ANTXR1: variants seen among roughly 807,000 people sequenced by gnomAD.
The protein encoded by ANTXR1 is anthrax toxin receptor 1.
ANTXR1 carries 19 observed loss-of-function variants against 78.1 expected under a neutral mutation model. The observed-to-expected ratio is 0.24, with a 90% CI of 0.17 to 0.36. The LOEUF (loss-of-function observed/expected upper bound fraction) is 0.36. Among genes scored for constraint, ANTXR1 ranks in the 10% least tolerant of loss-of-function variants. The pLI is 1.00. For synonymous variants in ANTXR1, 273 were observed against 260.5 expected (o/e 1.05, Z -0.46); for missense variants, 518 against 718.6 (o/e 0.72, Z 3.19).
chr2:69,056,942 G>A (rs988064271), intron 3 of ANTXR1, among the ~76,000 whole-genome samples: 1 of 152,128 alleles, frequency 6.6e-6, no homozygotes, highest in Non-Finnish European at 1.5e-5. Context: ...GCCTCCCAAA[G>A]TGCTGGGATT....
chr2:69,245,267 G>A lies in ANTXR1; in HGVS notation c.1477G>A (p.Ala493Thr), dbSNP rs772452249. Residue 493 changes from alanine (A) to threonine (T), a missense_variant, in exon 18 of 18, where the codon GCC becomes ACC. Ala to Thr is a moderately conservative substitution (Grantham distance 58). This residue lies in a region of ANTXR1 where 192 missense variants were observed against 230.2 expected (regional missense o/e 0.83). Coordinates refer to ENST00000303714, the MANE Select transcript of ANTXR1 (RefSeq NM_032208.3). ...CACCAGGGTCAAGAACAACCAGCCA[G>A]CCAAGTACCCACTCAACAACGCCTA... ...NFTRVKNNQP[A>T]KYPLNNAYHT... The A allele has an allele frequency of 6.2e-7, 1 of 1,613,816 alleles. No homozygotes were observed. The highest frequency in any genetic ancestry group is 8.5e-7 in the Non-Finnish European group (1 of 1,179,968).
chr2:69,187,585 C>CTTTTTTTTTTTTTTTTTTTTTTTTTT (rs58660678), intron 16 of ANTXR1, among the ~76,000 whole-genome samples: 1 of 94,898 alleles, frequency 1.1e-5, no homozygotes, highest in Admixed American at 1.3e-4. Flanking sequence ...TCATGTATTT[C>CTTTTTTTTTTTTTTTTTTTTTTTTTT]TTTTTTTTTT....
intron 17 of ANTXR1, among the ~76,000 whole-genome samples, chr2:69,196,961 G>A (rs1008465887): frequency 6.6e-6 from 1 of 152,202 alleles, no homozygotes; most frequent in Non-Finnish European, 1.5e-5. Flanking sequence ...TCAGCACAGA[G>A]CAGGGGCTCA....
At chr2:69,146,643 C>A (rs1304447310) in intron 12 of ANTXR1, among the ~76,000 whole-genome samples, 1 of 152,236 alleles carries the variant, frequency 6.6e-6, no homozygotes. Flanking sequence ...GGTCCCCACT[C>A]CAGATTCCCC....
chr2:69,037,761 C>T (rs938557495), intron 1 of ANTXR1, among the ~76,000 whole-genome samples: 4 of 152,146 alleles, frequency 2.6e-5, no homozygotes, highest in African/African-American at 9.7e-5. Flanking sequence ...TGAGCCACTG[C>T]GTCCACTGAC....
At chr2:69,186,709 A>G (rs1408595435) in intron 16 of ANTXR1, among the ~76,000 whole-genome samples, 3 of 152,256 alleles carry the variant, frequency 2.0e-5, no homozygotes, top group Admixed American at 1.3e-4. Context: ...GACAATCTAA[A>G]TCCACCTGTT....
At chr2:69,074,371 G>A (rs1670664013) in intron 6 of ANTXR1, among the ~76,000 whole-genome samples, 1 of 152,044 alleles carries the variant, frequency 6.6e-6, no homozygotes, top group Non-Finnish European at 1.5e-5. Flanking sequence ...ACCCTAATAA[G>A]GAAAGAATTG....
chr2:69,076,922 C>T (rs1283173919), intron 7 of ANTXR1, among the ~76,000 whole-genome samples: 1 of 152,218 alleles, frequency 6.6e-6, no homozygotes. Flanking sequence ...GCCAAACCAA[C>T]TGCAAGGGCC....
In ANTXR1 at chr2:69,117,135, A is replaced by G. The variant is rs192246775; in HGVS notation, c.803-5882A>G. 3.3e-5 allele frequency among the ~76,000 whole-genome samples: 5 copies of G among 152,336 alleles called. No homozygotes were observed. The East Asian group carries it at 9.6e-4, about 29-fold the overall frequency. On this transcript the variant is annotated intron_variant, in intron 10 of 17. Coordinates refer to ENST00000303714, the MANE Select transcript of ANTXR1 (RefSeq NM_032208.3). The stretch of plus-strand genomic sequence containing the variant: ...TTCATCCCTAGACCCCTCTCCTGGA[A>G]GGCAAGCTCCTGTTGGTATCCAGCC...
At chr2:69,093,903 G>A (rs1400334779) in intron 9 of ANTXR1, among the ~76,000 whole-genome samples, 1 of 152,176 alleles carries the variant, frequency 6.6e-6, no homozygotes, top group Non-Finnish European at 1.5e-5. Flanking sequence ...ACACAATGAT[G>A]AAAGCTAGAA....
intron 3 of ANTXR1, among the ~76,000 whole-genome samples, chr2:69,065,870 C>T (rs1345968579): frequency 2.0e-5 from 3 of 152,174 alleles, no homozygotes; most frequent in Non-Finnish European, 4.4e-5. Flanking sequence ...AGCCATAAGG[C>T]CATCTGGGAA....
chr2:69,227,031 G>A (rs539687654), intron 17 of ANTXR1, among the ~76,000 whole-genome samples: 3 of 152,250 alleles, frequency 2.0e-5, no homozygotes, highest in African/African-American at 7.2e-5. Context: ...ACTGGCTCAT[G>A]GTCTTATTTC....
intron 17 of ANTXR1, among the ~76,000 whole-genome samples, chr2:69,203,863 G>A (rs531440017): frequency 1.0e-3 from 157 of 152,224 alleles, no homozygotes; most frequent in African/African-American, 3.5e-3. Flanking sequence ...ACAGAAGGTC[G>A]AGTCCTGGAA....
chr2:69,190,715 T>C (rs1468933301), intron 16 of ANTXR1, among the ~76,000 whole-genome samples: 1 of 152,206 alleles, frequency 6.6e-6, no homozygotes, highest in East Asian at 1.9e-4. Context: ...TTCAGTCACT[T>C]TGTGCTTAAA....
intron 12 of ANTXR1, among the ~76,000 whole-genome samples, chr2:69,128,485 C>A (rs1357907682): frequency 1.3e-5 from 2 of 152,032 alleles, no homozygotes; most frequent in African/African-American, 4.8e-5. Context: ...TCATTATAAC[C>A]AAGGGGCTCC....
intron 13 of ANTXR1, among the ~76,000 whole-genome samples, chr2:69,154,607 A>G (rs1332108098): frequency 1.3e-5 from 2 of 152,118 alleles, no homozygotes; most frequent in South Asian, 2.1e-4. Context: ...CTTGTAAACA[A>G]TGGTCCTCAA....
chr2:69,146,773 G>C (rs1673238217), intron 12 of ANTXR1, among the ~76,000 whole-genome samples: 1 of 152,314 alleles, frequency 6.6e-6, no homozygotes, highest in African/African-American at 2.4e-5. Context: ...ATGAGGCCTG[G>C]GCAGGCACAA....
intron 9 of ANTXR1, among the ~76,000 whole-genome samples, chr2:69,096,408 A>G (rs147723980): frequency 7.6e-5 from 11 of 143,802 alleles, no homozygotes; most frequent in Admixed American, 2.1e-4. Flanking sequence ...AAGGAAGGAA[A>G]TCAAAAAGAA....
chr2:69,094,206 C>T (rs911715173), intron 9 of ANTXR1, among the ~76,000 whole-genome samples: 18 of 152,136 alleles, frequency 1.2e-4, no homozygotes, highest in African/African-American at 3.9e-4. Context: ...TAAGTATTTA[C>T]GTGAAAGTGC....
Sources: allele counts gnomAD v4.1 joint callset (sites outside exome capture counted in the v4.1 genomes callset), GRCh38; gene constraint gnomAD v4.1.1; regional missense constraint gnomAD v4.1.1; transcripts MANE v1.5; gene names NCBI Gene and HGNC (gene_info 2026-07-23, HGNC 2026-07-21).